Variants in PALM2AKAP2 observed in about 807,000 individuals in gnomAD.
PALM2AKAP2 encodes PALM2-AKAP2 fusion protein.
Under a neutral mutation model 71.5 loss-of-function variants are expected in PALM2AKAP2, and 37 were observed. That is an observed-to-expected ratio of 0.52 (90% CI 0.40 to 0.68). The LOEUF (loss-of-function observed/expected upper bound fraction) is 0.68, where lower values mean the gene tolerates loss of function less well. Ranked by LOEUF, PALM2AKAP2 falls within the 30% of genes least tolerant of loss-of-function variation. The pLI is 0.00. For synonymous variants in PALM2AKAP2, 468 were observed against 478.8 expected (o/e 0.98, Z 0.29); for missense variants, 1,224 against 1,191.8 (o/e 1.03, Z -0.40).
intron 7 of PALM2AKAP2, among the ~76,000 whole-genome samples, chr9:110,026,929 G>A (rs1458008942): frequency 6.6e-6 from 1 of 152,106 alleles, no homozygotes; most frequent in African/African-American, 2.4e-5. Context: ...TGTAATCTCA[G>A]CCACTCTGGA....
chr9:109,965,654 C>T (rs772740464), intron 6 of PALM2AKAP2, among the ~76,000 whole-genome samples: 2 of 152,064 alleles, frequency 1.3e-5, no homozygotes, highest in Non-Finnish European at 2.9e-5. Flanking sequence ...AAATGGCTGG[C>T]GGTGATGGTT....
At chr9:109,800,202 A>C (rs1473625375) in intron 1 of PALM2AKAP2, among the ~76,000 whole-genome samples, 1 of 152,254 alleles carries the variant, frequency 6.6e-6, no homozygotes, top group Non-Finnish European at 1.5e-5. Context: ...TTTAAATCAG[A>C]GGAGCATATT....
At chr9:109,883,155 G>A (rs1829893231) in intron 3 of PALM2AKAP2, among the ~76,000 whole-genome samples, 1 of 152,132 alleles carries the variant, frequency 6.6e-6, no homozygotes, top group East Asian at 1.9e-4. Flanking sequence ...AGGTGTTGTG[G>A]GTTAGGGGCT....
At chr9:109,875,510 A>C (rs1413819620) in intron 2 of PALM2AKAP2, among the ~76,000 whole-genome samples, 1 of 152,182 alleles carries the variant, frequency 6.6e-6, no homozygotes, top group Admixed American at 6.5e-5. Context: ...GGGGACACAG[A>C]AGGAGAGGAT....
chr9:110,096,240 C>G (rs1333400190), intron 1 of PALM2AKAP2, among the ~76,000 whole-genome samples: 1 of 152,086 alleles, frequency 6.6e-6, no homozygotes, highest in African/African-American at 2.4e-5. Flanking sequence ...AGCTCTTTCT[C>G]TTTTTTTGCT....
At chr9:109,961,873 G>A (rs1288280646) in intron 6 of PALM2AKAP2, among the ~76,000 whole-genome samples, 2 of 152,138 alleles carry the variant, frequency 1.3e-5, no homozygotes, top group Non-Finnish European at 2.9e-5. Context: ...GGGTACTAAT[G>A]AAAAGGAACA....
chr9:109,861,627 C>T (rs927760327), intron 1 of PALM2AKAP2, among the ~76,000 whole-genome samples: 4 of 152,244 alleles, frequency 2.6e-5, no homozygotes, highest in South Asian at 2.1e-4. Context: ...CACACTGCCC[C>T]GAATGGTTGC....
At chr9:110,117,160 C>G (rs1033406398) in intron 1 of PALM2AKAP2, among the ~76,000 whole-genome samples, 2 of 152,130 alleles carry the variant, frequency 1.3e-5, no homozygotes, top group African/African-American at 4.8e-5. Flanking sequence ...CATTCTGTTG[C>G]CCAGACTGGA....
intron 1 of PALM2AKAP2, among the ~76,000 whole-genome samples, chr9:109,694,043 C>G (rs1262767295): frequency 6.6e-6 from 1 of 151,926 alleles, no homozygotes; most frequent in East Asian, 1.9e-4. Context: ...TCCCCCTTCC[C>G]CACCGTACAA....
chr9:109,874,213 G>A (rs1023863841), intron 2 of PALM2AKAP2, among the ~76,000 whole-genome samples: 1 of 152,174 alleles, frequency 6.6e-6, no homozygotes, highest in African/African-American at 2.4e-5. Flanking sequence ...AGGGGCAAGT[G>A]GGGGAGAGAG....
At chr9:110,079,084 A>G (rs1163427404) in intron 1 of PALM2AKAP2, among the ~76,000 whole-genome samples, 1 of 152,218 alleles carries the variant, frequency 6.6e-6, no homozygotes, top group African/African-American at 2.4e-5. Context: ...TTAGCCTGCC[A>G]AGAAATATTA....
intron 6 of PALM2AKAP2, among the ~76,000 whole-genome samples, chr9:109,994,406 G>C (rs995063616): frequency 3.9e-5 from 6 of 152,180 alleles, no homozygotes; most frequent in African/African-American, 1.4e-4. Context: ...TTAAACTTGA[G>C]AAACCTCAGG....
chr9:110,103,591 G>C (rs1835049889), intron 1 of PALM2AKAP2, among the ~76,000 whole-genome samples: 1 of 152,180 alleles, frequency 6.6e-6, no homozygotes, highest in African/African-American at 2.4e-5. Flanking sequence ...CTTCATCTTT[G>C]ACCTCATGTG....
chr9:109,719,375 C>A (rs1474321473), intron 1 of PALM2AKAP2, among the ~76,000 whole-genome samples: 2 of 152,142 alleles, frequency 1.3e-5, no homozygotes, highest in Non-Finnish European at 2.9e-5. Flanking sequence ...GCTTTGTATC[C>A]TCCAAGGCAA....
At chr9:109,682,432 A>C (rs892248707) in intron 1 of PALM2AKAP2, among the ~76,000 whole-genome samples, 2 of 152,182 alleles carry the variant, frequency 1.3e-5, no homozygotes, top group Non-Finnish European at 2.9e-5. Flanking sequence ...GTTTATGTAC[A>C]TATTTGGGTT....
chr9:110,140,783 A>G (rs1006125881), intron 2 of PALM2AKAP2, among the ~76,000 whole-genome samples: 1 of 152,032 alleles, frequency 6.6e-6, no homozygotes. Context: ...ACCCTTCACC[A>G]ACACCCTCCT....
intron 1 of PALM2AKAP2, among the ~76,000 whole-genome samples, chr9:110,094,820 T>C (rs1834799015): frequency 6.6e-6 from 1 of 152,114 alleles, no homozygotes; most frequent in Non-Finnish European, 1.5e-5. Flanking sequence ...GTCTTCTCAC[T>C]CTTCTGCAAA....
At chr9:109,997,694 A>C (rs1246320099) in intron 6 of PALM2AKAP2, among the ~76,000 whole-genome samples, 1 of 152,194 alleles carries the variant, frequency 6.6e-6, no homozygotes, top group South Asian at 2.1e-4. Context: ...CAGAAGAGGG[A>C]GAGGGAATTG....
chr9:109,858,916 A>C (rs563655738), intron 1 of PALM2AKAP2, among the ~76,000 whole-genome samples: 4 of 152,342 alleles, frequency 2.6e-5, no homozygotes, highest in Admixed American at 2.6e-4. Flanking sequence ...ATAATTACTT[A>C]AAGGGTCACA....
Sources: allele counts gnomAD v4.1 joint callset (sites outside exome capture counted in the v4.1 genomes callset), GRCh38; gene constraint gnomAD v4.1.1; transcripts MANE v1.5; gene names NCBI Gene and HGNC (gene_info 2026-07-23, HGNC 2026-07-21).